SSH2: variants seen among roughly 807,000 people sequenced by gnomAD.
The protein encoded by SSH2 is slingshot protein phosphatase 2, also known as protein phosphatase Slingshot homolog 2.
Under a neutral mutation model 135.2 loss-of-function variants are expected in SSH2, and 37 were observed. The observed-to-expected ratio is 0.27, with a 90% CI of 0.21 to 0.36. The LOEUF (loss-of-function observed/expected upper bound fraction) is 0.36. SSH2 is among the 10% of genes least tolerant of loss of function. The pLI, the probability that SSH2 is intolerant of heterozygous loss-of-function variation, is 1.00. For missense variants in SSH2, 1,408 were observed against 1,765.3 expected (o/e 0.80, Z 3.63); for synonymous variants, 628 against 646.2 (o/e 0.97, Z 0.43).
intron 6 of SSH2, among the ~76,000 whole-genome samples, chr17:29,682,148 G>A (rs2038013912): frequency 6.6e-6 from 1 of 152,170 alleles, no homozygotes; most frequent in African/African-American, 2.4e-5. Context: ...TAAAGTTTAG[G>A]ACAAAGTGAA....
At chr17:29,796,528 G>A (rs747352104) in intron 2 of SSH2, among the ~76,000 whole-genome samples, 16 of 151,976 alleles carry the variant, frequency 1.1e-4, no homozygotes, top group Non-Finnish European at 2.1e-4. Context: ...TTTTAGTAGA[G>A]ACGGGCTTTC....
chr17:29,696,618 T>A (rs1567889608), intron 4 of SSH2, among the ~76,000 whole-genome samples: 2 of 99,514 alleles, frequency 2.0e-5, no homozygotes, highest in South Asian at 7.7e-4. Flanking sequence ...TATACATATA[T>A]ATATACACAC....
intron 14 of SSH2, among the ~76,000 whole-genome samples, chr17:29,642,568 A>AC (rs575171210): frequency 0.011 from 1,664 of 147,282 alleles, 29 homozygotes; most frequent in African/African-American, 0.034. Flanking sequence ...CACAGACACC[A>AC]CCCCCCCCAC....
intron 11 of SSH2, among the ~76,000 whole-genome samples, chr17:29,664,569 C>T (rs890789759): frequency 6.6e-6 from 1 of 152,078 alleles, no homozygotes; most frequent in Non-Finnish European, 1.5e-5. Flanking sequence ...TCATGGCTCA[C>T]CGCAGCCTCA....
chr17:29,899,116 A>T (rs1014202409), intron 1 of SSH2, among the ~76,000 whole-genome samples: 1 of 152,188 alleles, frequency 6.6e-6, no homozygotes, highest in African/African-American at 2.4e-5. Flanking sequence ...TTAGGTATTG[A>T]TGGGACGTAT....
chr17:29,763,724 T>G (rs959842482), intron 3 of SSH2, among the ~76,000 whole-genome samples: 1 of 152,314 alleles, frequency 6.6e-6, no homozygotes, highest in African/African-American at 2.4e-5. Context: ...GATAAAGATT[T>G]CATAAATATG....
intron 1 of SSH2, among the ~76,000 whole-genome samples, chr17:29,891,037 A>G (rs1409030945): frequency 6.6e-6 from 1 of 152,146 alleles, no homozygotes; most frequent in Admixed American, 6.6e-5. Context: ...TACAGGTGTG[A>G]GCCACCACGC....
chr17:29,658,080 C>T (rs770190056), intron 11 of SSH2, among the ~76,000 whole-genome samples: 5 of 151,082 alleles, frequency 3.3e-5, no homozygotes, highest in Admixed American at 2.0e-4. Context: ...CTCGGCTCAC[C>T]GCAACCTCTG....
chr17:29,640,084 G>GT (rs112288574), intron 14 of SSH2, among the ~76,000 whole-genome samples: 7,184 of 140,274 alleles, frequency 0.051, 271 homozygotes, highest in African/African-American at 0.11. Flanking sequence ...TTTTTTTTTT[G>GT]TTTTTTTTTT....
At position 29,637,124 on chromosome 17, in the gene SSH2, G is replaced by GT. The variant is rs573813476; in HGVS notation, c.1428-323dup. ...TGTGAATTCAGAATTTTTGTTTTTT[G>GT]TTTTTTTCAGAGTCTCGCTTTGTTG... On this transcript the variant is annotated intron_variant, in intron 14 of 15. Coordinates refer to ENST00000540801, the MANE Select transcript of SSH2 (RefSeq NM_001282129.2). Among the ~76,000 whole-genome samples, 149 of 152,116 alleles carry GT rather than the reference G, an allele frequency of 9.8e-4. 2 individuals carry two copies. The Middle Eastern group carries it at 0.01, about 10-fold the overall frequency.
In SSH2 at chr17:29,672,060, T is replaced by G; in HGVS notation, c.684A>C (p.Leu228=). 1 of 1,614,122 alleles carries G rather than the reference T, an allele frequency of 6.2e-7. No individual in the cohort carries two copies. Among genetic ancestry groups the G allele is most frequent in the Non-Finnish European group, 8.5e-7 (1 of 1,180,018 alleles). ...CATAATAACTCACCCAAGTGAGAAA[T>G]AGGCTGCCTGGGTAGTAGTTATGCG... is the stretch of plus-strand genomic sequence containing the variant. ...ARAHNYYPGS[L]FLTWVSYYES... The change falls in exon 9 of 16, where the codon CTA becomes CTC. Residue 228 remains leucine (L), a synonymous_variant. Coordinates refer to ENST00000540801, the MANE Select transcript of SSH2 (RefSeq NM_001282129.2).
In SSH2 at chr17:29,630,732, A is replaced by ACT. The variant is rs2035628447; in HGVS notation, c.*108_*109insAG. On this transcript the variant is annotated 3_prime_UTR_variant, in exon 16 of 16. Transcript: ENST00000540801. ...ACCCTGCATGCACCAGAAACAGTAA[A>ACT]ATGACCAAAATATTATAAAATTAAC... 1 of 1,278,794 alleles carries ACT rather than the reference A, an allele frequency of 7.8e-7. No individual in the cohort carries two copies. The highest frequency in any genetic ancestry group is 2.4e-5 in the East Asian group (1 of 42,342). 79.2% of individuals were successfully genotyped at this position (1,278,794 alleles called of 1,614,324 possible). A position where few individuals can be genotyped will look rare whatever the true frequency, so the allele number is the denominator to read the frequency against.
chr17:29,631,018 C>T lies in SSH2; in HGVS notation c.4176G>A (p.Leu1392=). The change falls in exon 16 of 16, where the codon TTG becomes TTA. Residue 1392 remains leucine, a synonymous_variant. Transcript: ENST00000540801. ...QYLLPRAGLE[L]TSSEGGLPVL... Reference sequence around the variant, plus strand: ...CGGGAAGGCCTCCTTCAGAACTAGTCAATTCAAGTCCTGCCCTGGGGAGCA... The same window carrying T: ...CGGGAAGGCCTCCTTCAGAACTAGTTAATTCAAGTCCTGCCCTGGGGAGCA... The T allele has an allele frequency of 6.2e-7, 1 of 1,614,088 alleles. No homozygotes were observed. Among genetic ancestry groups the T allele is most frequent in the South Asian group, 1.1e-5 (1 of 91,082 alleles).
intron 1 of SSH2, among the ~76,000 whole-genome samples, chr17:29,910,224 C>T (rs928051347): frequency 6.6e-6 from 1 of 152,150 alleles, no homozygotes; most frequent in African/African-American, 2.4e-5. Context: ...GCTGGGATTA[C>T]AGGCTTGAGC....
chr17:29,760,395 G>T (rs1338912692), intron 3 of SSH2, among the ~76,000 whole-genome samples: 2 of 152,134 alleles, frequency 1.3e-5, no homozygotes, highest in Non-Finnish European at 2.9e-5. Context: ...TTGATTTAAG[G>T]ATGGAACCTG....
intron 3 of SSH2, among the ~76,000 whole-genome samples, chr17:29,739,453 C>T (rs1390922506): frequency 6.6e-6 from 1 of 152,144 alleles, no homozygotes; most frequent in Non-Finnish European, 1.5e-5. Context: ...AGGATAAGGA[C>T]AATAGCTTAG....
At chr17:29,634,202 G>A (rs1369917878) in intron 15 of SSH2, among the ~76,000 whole-genome samples, 2 of 152,202 alleles carry the variant, frequency 1.3e-5, no homozygotes, top group Non-Finnish European at 2.9e-5. Flanking sequence ...GAATCACAGT[G>A]GGGTAGTTAA....
chr17:29,632,064 T>A lies in SSH2; in HGVS notation c.3130A>T (p.Ile1044Leu). The A allele has an allele frequency of 6.2e-7, 1 of 1,614,208 alleles. No individual in the cohort carries two copies. Among genetic ancestry groups the A allele is most frequent in the Non-Finnish European group, 8.5e-7 (1 of 1,180,038 alleles). ...KRVEIIEYTHIVTSPNHTGPG... is the reference protein window; with the variant it reads ...KRVEIIEYTHLVTSPNHTGPG... ...CCAGTGTGATTGGGTGATGTAACTATGTGGGTATATTCAATGATTTCTACC... is the reference window on the plus strand; with the variant it reads ...CCAGTGTGATTGGGTGATGTAACTAAGTGGGTATATTCAATGATTTCTACC... The change falls in exon 16 of 16, where the codon ATA becomes TTA. Residue 1044 changes from isoleucine to leucine, a missense_variant. By Grantham distance (5) the Ile-to-Leu change is conservative. This residue lies in a region of SSH2 where 1,080 missense variants were observed against 1,144.5 expected (regional missense o/e 0.94). Transcript: ENST00000540801.
intron 1 of SSH2, among the ~76,000 whole-genome samples, chr17:29,913,347 A>AAAAAAAATT: frequency 3.5e-5 from 1 of 28,778 alleles, no homozygotes; most frequent in Non-Finnish European, 5.9e-5. Context: ...AAAAAAAAAA[A>AAAAAAAATT]ATATATATAT....
Sources: gnomAD v4.1 joint callset for allele counts (sites outside exome capture counted in the v4.1 genomes callset) on GRCh38, gnomAD v4.1.1 for gene constraint, gnomAD v4.1.1 regional missense constraint, MANE v1.5 for transcripts, NCBI Gene and HGNC (gene_info 2026-07-23, HGNC 2026-07-21) for gene names.